NLRC3: variants seen among roughly 807,000 people sequenced by gnomAD.
NLRC3 encodes the protein NLR family CARD domain-containing protein 3.
Under a neutral mutation model 91.6 loss-of-function variants are expected in NLRC3, and 87 were observed. The observed-to-expected ratio is 0.95, with a 90% confidence interval of 0.80 to 1.14. NLRC3 has a LOEUF of 1.14. Ranked by LOEUF, NLRC3 falls within the 50% of genes most tolerant of loss-of-function variation. The pLI is 0.00. For synonymous variants in NLRC3, 694 were observed against 625.3 expected (o/e 1.11, Z -1.64); for missense variants, 1,577 against 1,418.6 (o/e 1.11, Z -1.79).
At position 3,564,738 on chromosome 16, in the gene NLRC3, G is replaced by A. The variant is rs200354871; in HGVS notation, c.199C>T (p.Arg67Cys). The A allele has an allele frequency of 1.3e-3, 1,988 of 1,586,940 alleles. 4 individuals are homozygous for A. Among genetic ancestry groups the A allele is most frequent in the Middle Eastern group, 4.8e-3 (29 of 6,012 alleles). The change falls in exon 5 of 20, where the codon CGC (arginine) becomes TGC (cysteine). Residue 67 changes from arginine to cysteine, a missense_variant. By Grantham distance (180) the Arg-to-Cys change is radical (BLOSUM62 -3). Coordinates refer to ENST00000359128, the MANE Select transcript of NLRC3 (RefSeq NM_178844.4). This position sits in a 1 kb window ranked among gnomAD's most constrained non-coding sequence, Gnocchi z 5.9. ...CSNDSRIQRHRKALLSKVGGG... is the reference protein window; with the variant it reads ...CSNDSRIQRHCKALLSKVGGG... ...CCCACCTTGCTCAGCAGGGCCTTGCGGTGCCTCTGTATCCTTGAGTCTGCG... is the reference window on the plus strand; with the variant it reads ...CCCACCTTGCTCAGCAGGGCCTTGCAGTGCCTCTGTATCCTTGAGTCTGCG...
rs1433068225 is a variant in NLRC3 at position 3,564,022 on chromosome 16, G to A, written c.915C>T (p.Asp305=). The A allele has an allele frequency of 3.1e-6, 5 of 1,610,508 alleles. No homozygotes were observed. In the East Asian group the frequency reaches 8.9e-5, roughly 29 times the overall value. ...KVCLEQMFPE[D]QALLGWMLSQ... ...TCAGCATCCAGCCCAGAAGGGCCTGGTCCTCGGGGAACATCTGCTCCAAAC... is the reference window on the plus strand; with the variant it reads ...TCAGCATCCAGCCCAGAAGGGCCTGATCCTCGGGGAACATCTGCTCCAAAC... The change falls in exon 5 of 20, where the codon GAC becomes GAT. Residue 305 remains aspartate (D), a synonymous_variant. Coordinates refer to ENST00000359128, the MANE Select transcript of NLRC3 (RefSeq NM_178844.4). This position sits in a 1 kb window ranked among gnomAD's most constrained non-coding sequence, Gnocchi z 5.9.
chr16:3,543,354 C>G, intron 17 of NLRC3, 71 bp downstream of exon 17: 1 of 1,058,130 alleles, frequency 9.5e-7, no homozygotes, highest in Non-Finnish European at 1.4e-6. Flanking sequence ...AACTTTGTCC[C>G]CATATCTATT....
intron 9 of NLRC3, among the ~76,000 whole-genome samples, chr16:3,553,725 A>G (rs1055096670): frequency 2.0e-5 from 3 of 150,020 alleles, no homozygotes; most frequent in African/African-American, 7.3e-5. Flanking sequence ...TTTATTTTAT[A>G]TTTTAATTTT....
chr16:3,567,625 A>G (rs1004874730), intron 1 of NLRC3, among the ~76,000 whole-genome samples: 10 of 151,368 alleles, frequency 6.6e-5, no homozygotes, highest in Non-Finnish European at 8.8e-5. Context: ...AATACAAATG[A>G]GCTGGGCATG....
chr16:3,551,216 CCATT>C (rs940220907), intron 10 of NLRC3, among the ~76,000 whole-genome samples: 1 of 151,134 alleles, frequency 6.6e-6, no homozygotes, highest in Non-Finnish European at 1.5e-5. Flanking sequence ...ATTCATCTAT[CCATT>C]CATCCATCCA....
At chr16:3,561,614 C>T in intron 6 of NLRC3, 88 bp downstream of exon 6, 1 of 909,168 alleles carries the variant, frequency 1.1e-6, no homozygotes, top group Non-Finnish European at 1.8e-6. Context: ...GGCAGCGCCG[C>T]TGGCCAGCTG....
At position 3,548,653 on chromosome 16, in the gene NLRC3, G is replaced by A. The variant is rs1215766505; in HGVS notation, c.2687+17C>T. 5 of 1,535,282 alleles carry A rather than the reference G, an allele frequency of 3.3e-6. No individual in the cohort carries two copies. Among genetic ancestry groups the A allele is most frequent in the Admixed American group, 1.9e-5 (1 of 52,680 alleles). ...TGCAGAAGGGGAACAGAGCAGGGTG[G>A]AGAGCTGCAGACTCACTGAAGGGAG... On this transcript the variant is annotated intron_variant, in intron 14 of 19. Transcript: ENST00000359128.
At position 3,542,851 on chromosome 16, in the gene NLRC3, G is replaced by A. The variant is rs2038479019; in HGVS notation, c.2940-76C>T. 5.2e-6 allele frequency: 5 copies of A among 962,276 alleles called. No homozygotes were observed. The Admixed American group carries it at 6.3e-5, about 12-fold the overall frequency. 59.6% of individuals were successfully genotyped at this position (962,276 alleles called of 1,614,324 possible). On this transcript the variant is annotated intron_variant, in intron 17 of 19. Transcript: ENST00000359128. Reference sequence around the variant, plus strand: ...TACTGACCCCTCTGCGGGTGGGCTTGGGGCTGCTTGGTAGAGGAAACAAGG... The same window carrying A: ...TACTGACCCCTCTGCGGGTGGGCTTAGGGCTGCTTGGTAGAGGAAACAAGG...
chr16:3,574,467 C>T (rs56019042), intron 1 of NLRC3, among the ~76,000 whole-genome samples: 11,749 of 152,016 alleles, frequency 0.077, 510 homozygotes, highest in African/African-American at 0.1. Flanking sequence ...ACAGTGCTGG[C>T]AGGAGTGAGG....
At chr16:3,568,911 G>A (rs990783868) in intron 1 of NLRC3, among the ~76,000 whole-genome samples, 11 of 152,130 alleles carry the variant, frequency 7.2e-5, no homozygotes, top group African/African-American at 2.7e-4. Flanking sequence ...GATGAATATT[G>A]TTGGTATAAA....
rs372751939 is a variant in NLRC3 at position 3,543,540 on chromosome 16, C to G, written c.2856-32G>C. On this transcript the variant is annotated intron_variant, in intron 16 of 19. Coordinates refer to ENST00000359128, the MANE Select transcript of NLRC3 (RefSeq NM_178844.4). ...CGGAGAGGGTGCCGTCAGTGTGAGC[C>G]GGCTGGGCCCACCTCCCTCCGCATA... 5 of 1,520,718 alleles carry G rather than the reference C, an allele frequency of 3.3e-6. No homozygotes were observed. The African/African-American group carries it at 5.5e-5, about 17-fold the overall frequency. 94.2% of individuals were successfully genotyped at this position (1,520,718 alleles called of 1,614,324 possible).
intron 1 of NLRC3, among the ~76,000 whole-genome samples, chr16:3,574,179 A>G (rs1567158508): frequency 6.6e-6 from 1 of 151,046 alleles, no homozygotes; most frequent in African/African-American, 2.4e-5. Context: ...CCCACCATCA[A>G]TACCATTTGT....
In NLRC3 at chr16:3,564,854, C is replaced by G. The variant is rs570295283; in HGVS notation, c.178+5G>C. ...CCCCGCGTCTGCCTCCCAAGCCGGT[C>G]CTACCATTGCTGCAGGGCCCCAGCG... On this transcript the variant is annotated splice_donor_5th_base_variant and intron_variant, in intron 4 of 19. Coordinates refer to ENST00000359128, the MANE Select transcript of NLRC3 (RefSeq NM_178844.4). This position sits in a 1 kb window ranked among gnomAD's most constrained non-coding sequence, Gnocchi z 5.9. 1.9e-5 allele frequency: 30 copies of G among 1,600,180 alleles called. No individual in the cohort carries two copies. Among genetic ancestry groups the G allele is most frequent in the Non-Finnish European group, 2.3e-5 (27 of 1,173,778 alleles).
Position 3,564,694 on chromosome 16 carries a change from G to T in NLRC3, c.243C>A (p.Gly81=). 1 of 1,599,500 alleles carries T rather than the reference G, an allele frequency of 6.3e-7. No individual in the cohort carries two copies. The highest frequency in any genetic ancestry group is 8.5e-7 in the Non-Finnish European group (1 of 1,178,180). ...LSKVGGGPEL[G]GPWHRLASLL... ...GGGAGGCCAGCCTGTGCCAGGGTCCGCCCAGCTCCGGGCCACCTCCCACCT... is the reference window on the plus strand; with the variant it reads ...GGGAGGCCAGCCTGTGCCAGGGTCCTCCCAGCTCCGGGCCACCTCCCACCT... The change falls in exon 5 of 20, where the codon GGC becomes GGA. Residue 81 remains glycine (G), a synonymous_variant. Coordinates refer to ENST00000359128, the MANE Select transcript of NLRC3 (RefSeq NM_178844.4). The surrounding 1 kb of genome is among the most constrained non-coding windows in gnomAD (Gnocchi z 5.9).
At chr16:3,551,638 A>ACCAT (rs1383348383) in intron 10 of NLRC3, among the ~76,000 whole-genome samples, 4 of 131,270 alleles carry the variant, frequency 3.0e-5, no homozygotes, top group Non-Finnish European at 6.6e-5. Context: ...CATTCATTCA[A>ACCAT]CCATCCATCC....
At chr16:3,548,987 A>G (rs1386767084) in intron 13 of NLRC3, among the ~76,000 whole-genome samples, 155 bp downstream of exon 13, 1 of 151,964 alleles carries the variant, frequency 6.6e-6, no homozygotes, top group African/African-American at 2.4e-5. Flanking sequence ...AGAGTGGGGG[A>G]CTTGCCACCC....
intron 1 of NLRC3, 140 bp downstream of exon 1, chr16:3,577,009 G>A (rs2040330122): frequency 3.0e-6 from 2 of 670,728 alleles, no homozygotes. Flanking sequence ...TCCTGCCCCA[G>A]GAGACAGCTT....
intron 1 of NLRC3, among the ~76,000 whole-genome samples, chr16:3,567,878 T>C (rs1338887657): frequency 1.3e-5 from 2 of 151,658 alleles, no homozygotes; most frequent in Admixed American, 6.6e-5. Flanking sequence ...TTCTTTCTTT[T>C]TTTTTTGAGA....
chr16:3,543,498 C>G lies in NLRC3; in HGVS notation c.2866G>C (p.Ala956Pro), dbSNP rs569916274. The change falls in exon 17 of 20, where the codon GCC becomes CCC. Residue 956 changes from alanine (A) to proline (P), a missense_variant. Ala to Pro is a conservative substitution (Grantham distance 27). Coordinates refer to ENST00000359128, the MANE Select transcript of NLRC3 (RefSeq NM_178844.4). ...TGGGCGCCTGAAGCACCAATTGAGG[C>G]CACCTGGAGACTGGGGCGGAGAGGG... ...TALTALYLQV[A>P]SIGASGAQVL... 1 of 1,612,512 alleles carries G rather than the reference C, an allele frequency of 6.2e-7. No homozygotes were observed. Among genetic ancestry groups the G allele is most frequent in the East Asian group, 2.2e-5 (1 of 44,860 alleles).
Sources: allele counts gnomAD v4.1 joint callset (sites outside exome capture counted in the v4.1 genomes callset), GRCh38; gene constraint gnomAD v4.1.1; non-coding constraint Gnocchi (gnomAD v3.1); transcripts MANE v1.5; gene names NCBI Gene and HGNC (gene_info 2026-07-23, HGNC 2026-07-21).